Variants in CACNA1E observed in about 807,000 individuals in gnomAD.
CACNA1E encodes the protein calcium voltage-gated channel subunit alpha1 E.
Under a neutral mutation model 259.2 loss-of-function variants are expected in CACNA1E, and 40 were observed. The ratio of observed to expected loss-of-function variants is 0.15; its 90% CI spans 0.12 to 0.20. CACNA1E has a LOEUF of 0.20. Among genes scored for constraint, CACNA1E ranks in the 10% least tolerant of loss-of-function variants. The pLI is 1.00. For synonymous variants in CACNA1E, 1,104 were observed against 1,138.5 expected, an observed-to-expected ratio of 0.97 and a Z score of 0.61; for missense variants, 1,874 against 3,040.1, an observed-to-expected ratio of 0.62 and a Z score of 9.02.
chr1:181,673,887 C>T (rs76202192), intron 7 of CACNA1E, among the ~76,000 whole-genome samples: 2,296 of 152,256 alleles, frequency 0.015, 52 homozygotes, highest in African/African-American at 0.052. Flanking sequence ...CAGCTCCCAG[C>T]GTGCATTTGT....
chr1:181,375,998 T>A (rs1189984479), intron 1 of CACNA1E, among the ~76,000 whole-genome samples: 1 of 152,224 alleles, frequency 6.6e-6, no homozygotes, highest in African/African-American at 2.4e-5. Flanking sequence ...TTATTTAATG[T>A]CTGTTTCTCC....
chr1:181,469,958 A>T (rs927420968), intron 2 of CACNA1E, among the ~76,000 whole-genome samples: 1 of 151,570 alleles, frequency 6.6e-6, no homozygotes, highest in Non-Finnish European at 1.5e-5. Context: ...CTTCAGCCAG[A>T]GGGTGAGGAG....
chr1:181,521,923 G>A (rs1248871249), intron 3 of CACNA1E, among the ~76,000 whole-genome samples: 2 of 152,140 alleles, frequency 1.3e-5, no homozygotes, highest in Admixed American at 1.3e-4. Context: ...GGACCACAGT[G>A]ATTGTAATCT....
chr1:181,590,735 TC>T (rs1558160136), intron 6 of CACNA1E, among the ~76,000 whole-genome samples: 1 of 152,104 alleles, frequency 6.6e-6, no homozygotes, highest in East Asian at 1.9e-4. Context: ...ATTTCTGTTC[TC>T]CTGAGGGTGC....
intron 6 of CACNA1E, among the ~76,000 whole-genome samples, chr1:181,641,822 T>C (rs2102006815): frequency 6.6e-6 from 1 of 150,978 alleles, no homozygotes; most frequent in Middle Eastern, 3.4e-3. Context: ...CAAGCGATTC[T>C]TCTGCCTCAG....
intron 3 of CACNA1E, among the ~76,000 whole-genome samples, chr1:181,547,023 T>G (rs533373273): frequency 6.6e-6 from 1 of 152,354 alleles, no homozygotes; most frequent in African/African-American, 2.4e-5. Flanking sequence ...GCCTCACTGG[T>G]TGGCTTCTTG....
At chr1:181,466,678 C>T (rs370348987) in intron 2 of CACNA1E, among the ~76,000 whole-genome samples, 22 of 152,210 alleles carry the variant, frequency 1.4e-4, no homozygotes, top group African/African-American at 2.4e-4. Context: ...TCAATTCACA[C>T]GCTTCCTCCT....
In CACNA1E at chr1:181,760,386, G is replaced by A. The variant is rs367723133; in HGVS notation, c.4605+1518G>A. 6.6e-5 allele frequency among the ~76,000 whole-genome samples: 10 copies of A among 152,098 alleles called. No homozygotes were observed. The East Asian group carries it at 9.6e-4, about 15-fold the overall frequency. On this transcript the variant is annotated intron_variant, in intron 32 of 47. Coordinates refer to ENST00000367573, the MANE Select transcript of CACNA1E (RefSeq NM_001205293.3). ...AGAATATTGTAATATATACTATTTC[G>A]TTAGATCTTCTCAGTGACTCTGAAA...
In CACNA1E at chr1:181,721,763, G is replaced by C; in HGVS notation, c.1962G>C (p.Leu654=). 6.2e-7 allele frequency: 1 copy of C among 1,608,024 alleles called. No individual in the cohort carries two copies. Among genetic ancestry groups the C allele is most frequent in the Non-Finnish European group, 8.5e-7 (1 of 1,174,632 alleles). ...PAAIMTVFQI[L]TGEDWNEVMY... ...CTGTCATTTGCTTTTTGTAGATCCTGACGGGTGAGGACTGGAATGAGGTGA... is the reference window on the plus strand; with the variant it reads ...CTGTCATTTGCTTTTTGTAGATCCTCACGGGTGAGGACTGGAATGAGGTGA... Residue 654 remains leucine, a synonymous_variant, in exon 16 of 48, where the codon CTG becomes CTC. Coordinates refer to ENST00000367573, the MANE Select transcript of CACNA1E (RefSeq NM_001205293.3).
chr1:181,533,758 A>T (rs1161424225), intron 3 of CACNA1E, among the ~76,000 whole-genome samples: 1 of 151,568 alleles, frequency 6.6e-6, no homozygotes, highest in Non-Finnish European at 1.5e-5. Context: ...AGTTTTGGAG[A>T]TTTTTTCCAC....
At chr1:181,376,521 A>G (rs974967911) in intron 1 of CACNA1E, among the ~76,000 whole-genome samples, 1 of 152,174 alleles carries the variant, frequency 6.6e-6, no homozygotes, top group Non-Finnish European at 1.5e-5. Flanking sequence ...AGAGGACCTC[A>G]TGCTGGGAGG....
chr1:181,576,855 G>A (rs1465954877), intron 3 of CACNA1E, among the ~76,000 whole-genome samples: 2 of 152,146 alleles, frequency 1.3e-5, no homozygotes, highest in East Asian at 3.8e-4. Context: ...TAAATACCAT[G>A]TCATTTTATT....
chr1:181,666,086 T>G (rs1186156137), intron 7 of CACNA1E, among the ~76,000 whole-genome samples: 2 of 152,188 alleles, frequency 1.3e-5, no homozygotes, highest in Non-Finnish European at 2.9e-5. Context: ...CAAGACCTAC[T>G]GATTAAGTTT....
At chr1:181,720,932 C>G in intron 15 of CACNA1E, 77 bp downstream of exon 15, 1 of 933,338 alleles carries the variant, frequency 1.1e-6, no homozygotes, top group Non-Finnish European at 1.7e-6. Context: ...GGATGAGTTT[C>G]AGGATAATTC....
At chr1:181,526,570 A>T (rs935021616) in intron 3 of CACNA1E, among the ~76,000 whole-genome samples, 1 of 152,210 alleles carries the variant, frequency 6.6e-6, no homozygotes, top group Non-Finnish European at 1.5e-5. Context: ...AATTAAGAGA[A>T]CAATAGATTA....
intron 8 of CACNA1E, among the ~76,000 whole-genome samples, chr1:181,713,034 A>G (rs1653537445): frequency 6.6e-6 from 1 of 152,160 alleles, no homozygotes; most frequent in Non-Finnish European, 1.5e-5. Flanking sequence ...CCTTCCCTTT[A>G]CAAATGGAGC....
At chr1:181,728,298 A>G (rs972517805) in intron 18 of CACNA1E, among the ~76,000 whole-genome samples, 1 of 152,204 alleles carries the variant, frequency 6.6e-6, no homozygotes, top group African/African-American at 2.4e-5. Flanking sequence ...GGCCCAGAGT[A>G]GAAACTCACT....
chr1:181,678,544 A>G (rs1325151589), intron 7 of CACNA1E, among the ~76,000 whole-genome samples: 1 of 152,244 alleles, frequency 6.6e-6, no homozygotes, highest in Non-Finnish European at 1.5e-5. Flanking sequence ...TAACAAGGAC[A>G]TACTGAACTA....
chr1:181,755,470 TC>T, intron 28 of CACNA1E, 73 bp downstream of exon 28: 1 of 1,149,924 alleles, frequency 8.7e-7, no homozygotes, highest in Non-Finnish European at 1.3e-6. Context: ...CCACCACAGG[TC>T]CACCCTCCCT....
Sources: allele counts gnomAD v4.1 joint callset (sites outside exome capture counted in the v4.1 genomes callset), GRCh38; gene constraint gnomAD v4.1.1; transcripts MANE v1.5; gene names NCBI Gene and HGNC (gene_info 2026-07-23, HGNC 2026-07-21).